Variants in MPLKIP observed in about 807,000 individuals in gnomAD.
MPLKIP encodes M-phase specific PLK1 interacting protein.
A neutral mutation model predicts 16.9 loss-of-function variants in MPLKIP; 16 were observed. The observed-to-expected ratio is 0.94, with a 90% CI of 0.64 to 1.43. The LOEUF (loss-of-function observed/expected upper bound fraction) is 1.43, where lower values mean the gene tolerates loss of function less well. Among genes scored for constraint, MPLKIP ranks in the 40% most tolerant of loss-of-function variants. The probability of loss-of-function intolerance (pLI) is 0.00; values close to 1 mark genes in which losing one functional copy is unlikely to be tolerated. For synonymous variants in MPLKIP, 126 were observed against 98.4 expected (o/e 1.28, Z -1.66); for missense variants, 282 against 237.6 (o/e 1.19, Z -1.23).
At chr7:40,133,555 A>G (rs1441030017) in intron 1 of MPLKIP, among the ~76,000 whole-genome samples, 1 of 152,346 alleles carries the variant, frequency 6.6e-6, no homozygotes, top group African/African-American at 2.4e-5. Context: ...TGATGAAATC[A>G]AGTAATTATA....
At position 40,127,570 on chromosome 7, in the gene MPLKIP, T is replaced by C. The variant is rs185372343; in HGVS notation, c.*5489A>G. 1.1e-4 allele frequency: 17 copies of C among 151,680 alleles called. No individual in the cohort carries two copies. The highest frequency in any genetic ancestry group is 6.6e-4 in the Admixed American group (10 of 15,246). 9.4% of individuals were successfully genotyped at this position (151,680 alleles called of 1,614,324 possible). A position where few individuals can be genotyped will look rare whatever the true frequency, so the allele number is the denominator to read the frequency against. Reference sequence around the variant, plus strand: ...TCTCAAAAAAAAGAAAAGTATTGTATGGTATTTTATCAAACTAAGACATGT... The same window carrying C: ...TCTCAAAAAAAAGAAAAGTATTGTACGGTATTTTATCAAACTAAGACATGT... On this transcript the variant is annotated 3_prime_UTR_variant, in exon 2 of 2. Coordinates refer to ENST00000306984, the MANE Select transcript of MPLKIP (RefSeq NM_138701.4).
rs1787424961 is a variant in MPLKIP, at chr7:40,128,851, G to A, written c.*4208C>T. On this transcript the variant is annotated 3_prime_UTR_variant, in exon 2 of 2. Coordinates refer to ENST00000306984, the MANE Select transcript of MPLKIP (RefSeq NM_138701.4). Reference sequence around the variant, plus strand: ...GAATTGCTTGAACTTGGGAGGCAGAGGTTGTAGTGAGCTGAGATCGTGCCA... The same window carrying A: ...GAATTGCTTGAACTTGGGAGGCAGAAGTTGTAGTGAGCTGAGATCGTGCCA... The A allele has an allele frequency of 6.8e-6, 1 of 146,512 alleles. No individual in the cohort carries two copies. Among genetic ancestry groups the A allele is most frequent in the African/African-American group, 2.6e-5 (1 of 38,404 alleles). 9.1% of individuals were successfully genotyped at this position (146,512 alleles called of 1,614,324 possible).
At position 40,126,778 on chromosome 7, in the gene MPLKIP, T is replaced by G. The variant is rs960042565; in HGVS notation, c.*6281A>C. 6.6e-6 allele frequency: 1 copy of G among 151,704 alleles called. No individual in the cohort carries two copies. The highest frequency in any genetic ancestry group is 2.4e-5 in the African/African-American group (1 of 41,314). The allele number at this position is 151,704 out of a possible 1,614,324, so 9.4% of individuals were successfully genotyped here. A position where few individuals can be genotyped will look rare whatever the true frequency, so the allele number is the denominator to read the frequency against. On this transcript the variant is annotated 3_prime_UTR_variant, in exon 2 of 2. Transcript: ENST00000306984. ...ACAAATACAAGTATCTGAGAAGAGT[T>G]AACCCTAATTAAATAAAGCCGATTT... is the stretch of plus-strand genomic sequence containing the variant.
rs904810024 is a variant in MPLKIP at position 40,126,331 on chromosome 7, A to G, written c.*6728T>C. On this transcript the variant is annotated 3_prime_UTR_variant, in exon 2 of 2. Transcript: ENST00000306984. The stretch of plus-strand genomic sequence containing the variant: ...TTTAGATTTATTCATGTTGTATCAA[A>G]TGGCTCTAATTTAATCAACTATCTT... 1 of 152,236 alleles carries G rather than the reference A, an allele frequency of 6.6e-6. No homozygotes were observed. The highest frequency in any genetic ancestry group is 2.4e-5 in the African/African-American group (1 of 41,466). 9.4% of individuals were successfully genotyped at this position (152,236 alleles called of 1,614,324 possible).
At position 40,133,161 on chromosome 7, in the gene MPLKIP, T is replaced by G. The variant is rs1417689045; in HGVS notation, c.438A>C (p.Glu146Asp). ...LENYFKPSML[E>D]DPWAGLEPVS... ...CTGGTTCTAGGCCAGCCCAAGGATCTTCAAGCATTGAAGGCTTGAAATAAT... is the reference window on the plus strand; with the variant it reads ...CTGGTTCTAGGCCAGCCCAAGGATCGTCAAGCATTGAAGGCTTGAAATAAT... Residue 146 changes from glutamate to aspartate, a missense_variant, in exon 2 of 2, where the codon GAA (glutamate) becomes GAC (aspartate). Glu to Asp is a conservative substitution (Grantham distance 45). Coordinates refer to ENST00000306984, the MANE Select transcript of MPLKIP (RefSeq NM_138701.4). 6.2e-7 allele frequency: 1 copy of G among 1,613,928 alleles called. No individual in the cohort carries two copies. The highest frequency in any genetic ancestry group is 1.3e-5 in the African/African-American group (1 of 74,938).
In MPLKIP at chr7:40,126,161, C is replaced by T. The variant is rs1244298561; in HGVS notation, c.*6898G>A. On this transcript the variant is annotated 3_prime_UTR_variant, in exon 2 of 2. Coordinates refer to ENST00000306984, the MANE Select transcript of MPLKIP (RefSeq NM_138701.4). ...ACCCACCCCAAAATAATTACTATAT[C>T]TAAAGCATGTTACCTTCATTTGTAT... 1 of 152,168 alleles carries T rather than the reference C, an allele frequency of 6.6e-6. No individual in the cohort carries two copies. Among genetic ancestry groups the T allele is most frequent in the Non-Finnish European group, 1.5e-5 (1 of 68,036 alleles). 9.4% of individuals were successfully genotyped at this position (152,168 alleles called of 1,614,324 possible). A position where few individuals can be genotyped will look rare whatever the true frequency, so the allele number is the denominator to read the frequency against.
chr7:40,132,961 CA>C lies in MPLKIP; in HGVS notation c.*97del. On this transcript the variant is annotated 3_prime_UTR_variant, in exon 2 of 2. Transcript: ENST00000306984. Reference sequence around the variant, plus strand: ...AAAAAGACCTTACTAATTATCCAATCAAAGTCATCATCTTTGGGTAAATTTA... The same window carrying C: ...AAAAAGACCTTACTAATTATCCAATCAAGTCATCATCTTTGGGTAAATTTA... 4.7e-6 allele frequency: 5 copies of C among 1,055,166 alleles called. No individual in the cohort carries two copies. The highest frequency in any genetic ancestry group is 7.2e-6 in the Non-Finnish European group (5 of 695,516). The allele number at this position is 1,055,166 out of a possible 1,614,324, so 65.4% of individuals were successfully genotyped here. A position where few individuals can be genotyped will look rare whatever the true frequency, so the allele number is the denominator to read the frequency against.
chr7:40,131,531 A>AAAC lies in MPLKIP; in HGVS notation c.*1527_*1528insGTT. ...CCTGGTCAACATGGTGAAACTAAAA[A>AAAC]TACTAAAAATACTAAAAATACATGT... On this transcript the variant is annotated 3_prime_UTR_variant, in exon 2 of 2. Coordinates refer to ENST00000306984, the MANE Select transcript of MPLKIP (RefSeq NM_138701.4). The AAAC allele has an allele frequency of 6.6e-6, 1 of 150,434 alleles. No homozygotes were observed. Among genetic ancestry groups the AAAC allele is most frequent in the African/African-American group, 2.5e-5 (1 of 39,912 alleles). 9.3% of individuals were successfully genotyped at this position (150,434 alleles called of 1,614,324 possible).
chr7:40,131,865 A>C lies in MPLKIP; in HGVS notation c.*1194T>G, dbSNP rs1428637164. 1 of 151,940 alleles carries C rather than the reference A, an allele frequency of 6.6e-6. No homozygotes were observed. The highest frequency in any genetic ancestry group is 1.5e-5 in the Non-Finnish European group (1 of 67,990). The allele number at this position is 151,940 out of a possible 1,614,324, so 9.4% of individuals were successfully genotyped here. On this transcript the variant is annotated 3_prime_UTR_variant, in exon 2 of 2. Transcript: ENST00000306984. The stretch of plus-strand genomic sequence containing the variant: ...AAACAAAACAAAACAAACAAAAAAA[A>C]CAAAACATGGTCTCTACTAAAAATA...
intron 1 of MPLKIP, 21 bp from the exon 2 acceptor site, chr7:40,133,280 A>G (rs1787497323): frequency 6.3e-6 from 10 of 1,596,630 alleles, no homozygotes; most frequent in Admixed American, 1.7e-5. Context: ...AAAATCAGTT[A>G]AAAAAACACT....
At chr7:40,133,903 A>G (rs76471713) in intron 1 of MPLKIP, among the ~76,000 whole-genome samples, 13 of 149,930 alleles carry the variant, frequency 8.7e-5, no homozygotes, top group East Asian at 1.9e-4. Flanking sequence ...AAAAAAAAAA[A>G]AAAGAAAAAG....
chr7:40,134,592 C>A lies in MPLKIP; in HGVS notation c.-25G>T. On this transcript the variant is annotated 5_prime_UTR_variant, in exon 1 of 2. Transcript: ENST00000306984. ...TATCAGGAGCCAAAGCCGAAAACCT[C>A]GCAGCCGCGTTCTCCCACCGGAACT... The A allele has an allele frequency of 6.4e-7, 1 of 1,559,090 alleles. No individual in the cohort carries two copies. The highest frequency in any genetic ancestry group is 8.7e-7 in the Non-Finnish European group (1 of 1,154,780).
rs745707492 is a variant in MPLKIP, at chr7:40,134,326, G to A, written c.242C>T (p.Pro81Leu). 1 of 1,554,214 alleles carries A rather than the reference G, an allele frequency of 6.4e-7. No individual in the cohort carries two copies. Among genetic ancestry groups the A allele is most frequent in the South Asian group, 1.2e-5 (1 of 84,420 alleles). ...GSFPGGRFGS[P>L]SPGGYPGSYS... Reference sequence around the variant, plus strand: ...GGAGCCAGGGTAGCCGCCAGGGGACGGAGACCCGAACCGGCCCCCCGGGAA... The same window carrying A: ...GGAGCCAGGGTAGCCGCCAGGGGACAGAGACCCGAACCGGCCCCCCGGGAA... The change falls in exon 1 of 2, where the codon CCG (proline) becomes CTG (leucine). Residue 81 changes from proline to leucine, a missense_variant. Pro to Leu is a moderately conservative substitution (Grantham distance 98). Coordinates refer to ENST00000306984, the MANE Select transcript of MPLKIP (RefSeq NM_138701.4).
In MPLKIP at chr7:40,133,107, G is replaced by C; in HGVS notation, c.492C>G (p.Tyr164Ter). Residue 164 changes from tyrosine to a stop codon, truncating the protein, a stop_gained, in exon 2 of 2, where the codon TAC becomes TAG. Coordinates refer to ENST00000306984, the MANE Select transcript of MPLKIP (RefSeq NM_138701.4). LOFTEE classifies it high-confidence loss of function. ...TGCCTGTGAATGTTTGAGTATTGCT[G>C]TATTGTTGGCTTATATCCACTACAG... ...PVSVVDISQQYSNTQTFTGKK... is the reference protein window; with the variant it reads ...PVSVVDISQQ The C allele has an allele frequency of 6.2e-7, 1 of 1,613,932 alleles. No homozygotes were observed. Among genetic ancestry groups the C allele is most frequent in the Non-Finnish European group, 8.5e-7 (1 of 1,179,958 alleles).
At position 40,133,265 on chromosome 7, in the gene MPLKIP, G is replaced by GA. The variant is rs760196042; in HGVS notation, c.340-7dup. 51 of 1,607,690 alleles carry GA rather than the reference G, an allele frequency of 3.2e-5. No homozygotes were observed. The highest frequency in any genetic ancestry group is 6.7e-5 in the East Asian group (3 of 44,654). ...GTAGATGTCCTTGGAGAACCCTTTA[G>GA]AAAAAAAATCAGTTAAAAAAACACT... is the stretch of plus-strand genomic sequence containing the variant. On this transcript the variant is annotated splice_region_variant and splice_polypyrimidine_tract_variant and intron_variant, in intron 1 of 1. Coordinates refer to ENST00000306984, the MANE Select transcript of MPLKIP (RefSeq NM_138701.4).
At chr7:40,133,904 A>AG (rs1787525019) in intron 1 of MPLKIP, among the ~76,000 whole-genome samples, 1 of 149,860 alleles carries the variant, frequency 6.7e-6, no homozygotes, top group African/African-American at 2.4e-5. Context: ...AAAAAAAAAA[A>AG]AAGAAAAAGA....
In MPLKIP at chr7:40,130,296, A is replaced by G. The variant is rs1173601381; in HGVS notation, c.*2763T>C. On this transcript the variant is annotated 3_prime_UTR_variant, in exon 2 of 2. Coordinates refer to ENST00000306984, the MANE Select transcript of MPLKIP (RefSeq NM_138701.4). ...TAAAAAACAATCCCTTTCATTTTAAAGAATAATCAATTCCTTTTACTCAGA... is the reference window on the plus strand; with the variant it reads ...TAAAAAACAATCCCTTTCATTTTAAGGAATAATCAATTCCTTTTACTCAGA... The G allele has an allele frequency of 6.6e-6, 1 of 152,258 alleles. No homozygotes were observed. Among genetic ancestry groups the G allele is most frequent in the African/African-American group, 2.4e-5 (1 of 41,474 alleles). 9.4% of individuals were successfully genotyped at this position (152,258 alleles called of 1,614,324 possible).
Position 40,132,655 on chromosome 7 carries a change from G to T in MPLKIP, c.*404C>A. 4.1e-6 allele frequency: 1 copy of T among 246,748 alleles called. No individual in the cohort carries two copies. The highest frequency in any genetic ancestry group is 8.0e-6 in the Non-Finnish European group (1 of 124,500). The allele number at this position is 246,748 out of a possible 1,614,324, so 15.3% of individuals were successfully genotyped here. A position where few individuals can be genotyped will look rare whatever the true frequency, so the allele number is the denominator to read the frequency against. On this transcript the variant is annotated 3_prime_UTR_variant, in exon 2 of 2. Transcript: ENST00000306984. ...CCTATTTCATTTTCAAAAATAATTT[G>T]CAAAACATTTACCTATGAACTCTAA...
Position 40,133,354 on chromosome 7 carries a change from A to C in MPLKIP, c.340-95T>G, listed in dbSNP as rs1191339874. The C allele has an allele frequency of 5.4e-6, 6 of 1,103,570 alleles. No individual in the cohort carries two copies. The Admixed American group carries it at 8.9e-5, about 16-fold the overall frequency. 68.4% of individuals were successfully genotyped at this position (1,103,570 alleles called of 1,614,324 possible). On this transcript the variant is annotated intron_variant, in intron 1 of 1. Transcript: ENST00000306984. ...TTAGCGGGAATCACATTGCTGCTTAAAAGTTGTGACTTGAACCTAAATAAT... is the reference window on the plus strand; with the variant it reads ...TTAGCGGGAATCACATTGCTGCTTACAAGTTGTGACTTGAACCTAAATAAT...
Sources: allele counts gnomAD v4.1 joint callset (sites outside exome capture counted in the v4.1 genomes callset), GRCh38; gene constraint gnomAD v4.1.1; transcripts MANE v1.5; gene names NCBI Gene and HGNC (gene_info 2026-07-23, HGNC 2026-07-21).